ARB2A: variants seen among roughly 807,000 people sequenced by gnomAD.
The protein encoded by ARB2A is cotranscriptional regulator ARB2A.
chr5:94,003,583 C>A, the ARB2A span, among the ~76,000 whole-genome samples: 2 of 151,746 alleles, frequency 1.3e-5, no homozygotes, highest in African/African-American at 4.8e-5. Flanking sequence ...ATAAAACACA[C>A]TGAATTTTAA....
At chr5:94,028,001 G>A in the ARB2A span, among the ~76,000 whole-genome samples, 7 of 152,312 alleles carry the variant, frequency 4.6e-5, no homozygotes, top group South Asian at 1.2e-3. Flanking sequence ...CTTGCTTGGT[G>A]TATAGAAAGA....
chr5:93,983,538 G>C, the ARB2A span, among the ~76,000 whole-genome samples: 1 of 152,086 alleles, frequency 6.6e-6, no homozygotes, highest in Non-Finnish European at 1.5e-5. Flanking sequence ...GAAGGAGGAA[G>C]AATGCTCTTC....
chr5:93,729,059 C>G, the ARB2A span, among the ~76,000 whole-genome samples: 1 of 152,016 alleles, frequency 6.6e-6, no homozygotes, highest in Non-Finnish European at 1.5e-5. Flanking sequence ...AAAATAAACT[C>G]CCTTCACTTT....
chr5:93,794,834 C>T, the ARB2A span, among the ~76,000 whole-genome samples: 6 of 152,214 alleles, frequency 3.9e-5, no homozygotes, highest in East Asian at 1.2e-3. Flanking sequence ...GTGAAGTGGA[C>T]TCTGTGAGGG....
chr5:93,627,660 T>C, the ARB2A span, among the ~76,000 whole-genome samples: 1 of 152,116 alleles, frequency 6.6e-6, no homozygotes, highest in Non-Finnish European at 1.5e-5. Flanking sequence ...CAGGCTGGTC[T>C]TGAACTCCTG....
At chr5:93,705,651 G>GTGTGTGTGTGTGTA in the ARB2A span, among the ~76,000 whole-genome samples, 8 of 132,938 alleles carry the variant, frequency 6.0e-5, no homozygotes, top group African/African-American at 2.3e-4. Flanking sequence ...GTGTGTGTGT[G>GTGTGTGTGTGTGTA]TATATATATA....
At chr5:93,751,966 A>T in the ARB2A span, among the ~76,000 whole-genome samples, 2 of 152,194 alleles carry the variant, frequency 1.3e-5, no homozygotes, top group African/African-American at 2.4e-5. Flanking sequence ...CACCACAGTC[A>T]GGCAGGAGAA....
chr5:93,933,000 C>G, the ARB2A span, among the ~76,000 whole-genome samples: 1 of 152,148 alleles, frequency 6.6e-6, no homozygotes, highest in Non-Finnish European at 1.5e-5. Flanking sequence ...AGGATATGAA[C>G]AGACACTTAT....
chr5:93,934,804 G>C, the ARB2A span, among the ~76,000 whole-genome samples: 1 of 151,852 alleles, frequency 6.6e-6, no homozygotes, highest in Non-Finnish European at 1.5e-5. Flanking sequence ...TGATGATATT[G>C]TTGCACCTTT....
chr5:93,748,434 A>C, the ARB2A span, among the ~76,000 whole-genome samples: 1 of 152,118 alleles, frequency 6.6e-6, no homozygotes, highest in Admixed American at 6.5e-5. Flanking sequence ...CTATGATAAG[A>C]TATGACTAGA....
At chr5:93,966,502 A>G in the ARB2A span, among the ~76,000 whole-genome samples, 2 of 152,154 alleles carry the variant, frequency 1.3e-5, no homozygotes, top group Admixed American at 6.6e-5. Context: ...CGATAGAGCA[A>G]GTCTGGAATT....
chr5:94,061,494 T>C, the ARB2A span, among the ~76,000 whole-genome samples: 1 of 152,194 alleles, frequency 6.6e-6, no homozygotes, highest in African/African-American at 2.4e-5. Context: ...GCACATAGAT[T>C]TGATAGAAAC....
the ARB2A span, among the ~76,000 whole-genome samples, chr5:93,766,662 CA>C: frequency 2.6e-5 from 4 of 152,062 alleles, no homozygotes; most frequent in Non-Finnish European, 4.4e-5. Flanking sequence ...CTAGAAATAC[CA>C]TTTGACCCAG....
At chr5:93,936,940 GT>G in the ARB2A span, among the ~76,000 whole-genome samples, 1,376 of 133,526 alleles carry the variant, frequency 0.01, 1 homozygote, top group Non-Finnish European at 0.012. Context: ...AATTATAAAG[GT>G]TTTTTTTTTT....
chr5:94,012,433 G>T, the ARB2A span, among the ~76,000 whole-genome samples: 1 of 152,130 alleles, frequency 6.6e-6, no homozygotes, highest in Non-Finnish European at 1.5e-5. Flanking sequence ...AAGATGGAAG[G>T]ATAAAATTAG....
chr5:93,908,184 A>C, the ARB2A span, among the ~76,000 whole-genome samples: 1 of 151,188 alleles, frequency 6.6e-6, no homozygotes, highest in African/African-American at 2.4e-5. Flanking sequence ...AGGACTTTTA[A>C]ATTGCATAAG....
At chr5:93,776,196 C>T in the ARB2A span, 1 of 1,612,182 alleles carries the variant, frequency 6.2e-7, no homozygotes, top group South Asian at 1.1e-5. Context: ...GCATGGACTC[C>T]ACTGATGTGT....
At chr5:93,937,707 T>C in the ARB2A span, among the ~76,000 whole-genome samples, 8 of 152,160 alleles carry the variant, frequency 5.3e-5, no homozygotes, top group Middle Eastern at 3.4e-3. Context: ...TCAATATCCA[T>C]GGGGAATTGT....
the ARB2A span, among the ~76,000 whole-genome samples, chr5:93,726,508 A>G: frequency 6.6e-6 from 1 of 152,026 alleles, no homozygotes; most frequent in Non-Finnish European, 1.5e-5. Flanking sequence ...TGTTTGTTTG[A>G]AAAAGCCCTT....
Sources: allele counts gnomAD v4.1 joint callset (sites outside exome capture counted in the v4.1 genomes callset), GRCh38; gene constraint gnomAD v4.1.1; transcripts MANE v1.5; gene names NCBI Gene and HGNC (gene_info 2026-07-23, HGNC 2026-07-21).